Variants in CGGBP1 observed in about 807,000 individuals in gnomAD.
The protein encoded by CGGBP1 is CGG triplet repeat binding protein 1.
A neutral mutation model predicts 11.4 loss-of-function variants in CGGBP1; 4 were observed. That is an observed-to-expected ratio of 0.35 (90% CI 0.17 to 0.80). CGGBP1 has a LOEUF of 0.80. Ranked by LOEUF, CGGBP1 falls within the 30% of genes least tolerant of loss-of-function variation. The pLI is 0.52. For missense variants in CGGBP1, 135 were observed against 202.1 expected, an observed-to-expected ratio of 0.67 and a Z score of 2.01; for synonymous variants, 76 against 74.1, an observed-to-expected ratio of 1.03 and a Z score of -0.13.
At chr3:88,096,224 T>C (rs1438527988) in intron 2 of CGGBP1, among the ~76,000 whole-genome samples, 1 of 151,968 alleles carries the variant, frequency 6.6e-6, no homozygotes, top group Non-Finnish European at 1.5e-5. Context: ...TCTGAGAGAA[T>C]AGACAGGAGA....
chr3:88,097,022 A>G (rs1484730001), intron 2 of CGGBP1, among the ~76,000 whole-genome samples: 1 of 152,142 alleles, frequency 6.6e-6, no homozygotes, highest in East Asian at 1.9e-4. Flanking sequence ...CATTGGCTGT[A>G]GAGTATTTCA....
chr3:88,070,857 A>G (rs1559689744), intron 2 of CGGBP1, among the ~76,000 whole-genome samples: 1 of 152,212 alleles, frequency 6.6e-6, no homozygotes, highest in South Asian at 2.1e-4. Context: ...TAAGACACAC[A>G]GCTAGAAAAG....
chr3:88,093,161 T>C (rs1293724002), intron 2 of CGGBP1, among the ~76,000 whole-genome samples: 1 of 152,210 alleles, frequency 6.6e-6, no homozygotes, highest in South Asian at 2.1e-4. Context: ...TGGGGGACTT[T>C]TGCAAATTGA....
chr3:88,108,929 T>G (rs971761766), intron 2 of CGGBP1, among the ~76,000 whole-genome samples: 5 of 152,198 alleles, frequency 3.3e-5, no homozygotes, highest in African/African-American at 1.2e-4. Flanking sequence ...ATGCTAGTTT[T>G]ACTGTCACAC....
intron 2 of CGGBP1, among the ~76,000 whole-genome samples, chr3:88,074,754 A>G (rs1707707773): frequency 6.6e-6 from 1 of 152,178 alleles, no homozygotes; most frequent in Non-Finnish European, 1.5e-5. Flanking sequence ...CAACTATACT[A>G]TGTACTAAAT....
chr3:88,127,722 G>C (rs1190600397), intron 2 of CGGBP1, among the ~76,000 whole-genome samples: 2 of 152,160 alleles, frequency 1.3e-5, no homozygotes, highest in African/African-American at 4.8e-5. Flanking sequence ...GAGGGCTGAT[G>C]GCCTTTTAGG....
At chr3:88,120,741 A>G (rs901203321) in intron 2 of CGGBP1, among the ~76,000 whole-genome samples, 5 of 152,206 alleles carry the variant, frequency 3.3e-5, no homozygotes, top group African/African-American at 1.2e-4. Flanking sequence ...ACATTATAAA[A>G]CAAAAGTACA....
At chr3:88,082,441 A>G (rs1708127689) in intron 2 of CGGBP1, among the ~76,000 whole-genome samples, 1 of 152,190 alleles carries the variant, frequency 6.6e-6, no homozygotes, top group African/African-American at 2.4e-5. Flanking sequence ...TCAGTTTTTA[A>G]AAGTGGCTGG....
chr3:88,085,341 G>A (rs1708285442), intron 2 of CGGBP1, among the ~76,000 whole-genome samples: 1 of 152,162 alleles, frequency 6.6e-6, no homozygotes, highest in Admixed American at 6.5e-5. Flanking sequence ...TACATAAATG[G>A]ATGAACCTGG....
chr3:88,143,563 G>A (rs191221516), intron 1 of CGGBP1: 1 of 152,370 alleles, frequency 6.6e-6, no homozygotes, highest in East Asian at 1.9e-4. Context: ...ACATTTTCCA[G>A]AAGTTTAATA....
intron 2 of CGGBP1, among the ~76,000 whole-genome samples, chr3:88,094,095 G>A (rs1703907796): frequency 8.3e-6 from 1 of 120,948 alleles, no homozygotes; most frequent in African/African-American, 2.8e-5. Context: ...CTGAGGAAGA[G>A]ATAATATTCT....
chr3:88,104,643 A>T (rs1247536852), intron 2 of CGGBP1, among the ~76,000 whole-genome samples: 1 of 152,214 alleles, frequency 6.6e-6, no homozygotes, highest in Non-Finnish European at 1.5e-5. Flanking sequence ...ATTAGGCGGG[A>T]TTTTTAAAGA....
upstream of CGGBP1, chr3:88,059,160 TG>T (rs953455438): frequency 8.0e-5 from 107 of 1,344,948 alleles, 1 homozygote; most frequent in Non-Finnish European, 9.5e-5. Context: ...ACTGGGGGCG[TG>T]GGTGGGCGGA....
intron 2 of CGGBP1, chr3:88,129,687 C>T: frequency 6.8e-7 from 1 of 1,469,424 alleles, no homozygotes; most frequent in South Asian, 1.3e-5. Context: ...CCTCTTACAG[C>T]ATTTATTGAA....
chr3:88,090,653 C>T (rs1349729583), intron 2 of CGGBP1, among the ~76,000 whole-genome samples: 1 of 152,092 alleles, frequency 6.6e-6, no homozygotes, highest in Non-Finnish European at 1.5e-5. Context: ...TAGGTCTTTA[C>T]ATTCATTCAC....
chr3:88,136,601 TTTA>T (rs568212709), intron 2 of CGGBP1, among the ~76,000 whole-genome samples: 3 of 152,098 alleles, frequency 2.0e-5, no homozygotes, highest in Admixed American at 6.6e-5. Flanking sequence ...TTTTCCTCAT[TTTA>T]TTATTTGTTT....
At chr3:88,146,843 CCT>C (rs1576366302) in intron 1 of CGGBP1, among the ~76,000 whole-genome samples, 1 of 152,122 alleles carries the variant, frequency 6.6e-6, no homozygotes, top group African/African-American at 2.4e-5. Flanking sequence ...CAGCATTCCT[CCT>C]CTCAATAAAT....
In CGGBP1 at chr3:88,052,911, A is replaced by G. The variant is rs1207268016; in HGVS notation, c.*2562T>C. Reference sequence around the variant, plus strand: ...AAGCTAGGAAATATTTACTGTAAGCATATTGTGAAATTCTGGAAGACATAC... The same window carrying G: ...AAGCTAGGAAATATTTACTGTAAGCGTATTGTGAAATTCTGGAAGACATAC... On this transcript the variant is annotated 3_prime_UTR_variant, in exon 4 of 4. Coordinates refer to ENST00000482016, the MANE Select transcript of CGGBP1 (RefSeq NM_001008390.2). The G allele has an allele frequency of 6.6e-6, 1 of 152,656 alleles. No individual in the cohort carries two copies. Among genetic ancestry groups the G allele is most frequent in the Non-Finnish European group, 1.5e-5 (1 of 68,022 alleles). 9.5% of individuals were successfully genotyped at this position (152,656 alleles called of 1,614,324 possible). A position where few individuals can be genotyped will look rare whatever the true frequency, so the allele number is the denominator to read the frequency against.
intron 1 of CGGBP1, chr3:88,141,843 T>G: frequency 2.4e-6 from 1 of 424,394 alleles, no homozygotes; most frequent in Non-Finnish European, 4.2e-6. Flanking sequence ...TCCAAAAGGA[T>G]TATAAAACTC....
Sources: allele counts gnomAD v4.1 joint callset (sites outside exome capture counted in the v4.1 genomes callset), GRCh38; gene constraint gnomAD v4.1.1; transcripts MANE v1.5; gene names NCBI Gene and HGNC (gene_info 2026-07-23, HGNC 2026-07-21).